The following KAT6A variants were observed in gnomAD, a reference collection of about 807,000 sequenced individuals.
KAT6A encodes lysine acetyltransferase 6A.
In KAT6A, 9 loss-of-function variants were observed where a neutral mutation model predicts 198.4. The ratio of observed to expected loss-of-function variants is 0.05; its 90% CI spans 0.03 to 0.08. The LOEUF is 0.08. KAT6A is among the 10% of genes least tolerant of loss of function. KAT6A has a pLI of 1.00. For missense variants in KAT6A, 2,077 were observed against 2,509.9 expected (o/e 0.83, Z 3.69); for synonymous variants, 890 against 883.0 (o/e 1.01, Z -0.14).
chr8:41,989,576 TAAAATAA>T (rs972082417), intron 2 of KAT6A, among the ~76,000 whole-genome samples: 11 of 147,918 alleles, frequency 7.4e-5, no homozygotes, highest in East Asian at 2.0e-4. Flanking sequence ...ATAACATAAC[TAAAATAA>T]AAAATAAAAA....
intron 14 of KAT6A, chr8:41,942,122 T>C (rs1480182140): frequency 5.0e-6 from 1 of 201,096 alleles, no homozygotes; most frequent in African/African-American, 2.3e-5. Flanking sequence ...AAAAGAGCTA[T>C]AAAAGTATGC....
intron 8 of KAT6A, among the ~76,000 whole-genome samples, chr8:41,967,650 T>C (rs1184821942): frequency 6.6e-6 from 1 of 152,154 alleles, no homozygotes; most frequent in Non-Finnish European, 1.5e-5. Context: ...GGCTACATAG[T>C]ATTCCATGGT....
intron 2 of KAT6A, among the ~76,000 whole-genome samples, chr8:42,016,828 TAACA>T (rs1042275989): frequency 7.2e-5 from 11 of 152,098 alleles, no homozygotes; most frequent in Non-Finnish European, 1.3e-4. Context: ...ACTAAAAACT[TAACA>T]AACACAGTTT....
At chr8:41,936,810 G>T (rs1345248698) in intron 16 of KAT6A, among the ~76,000 whole-genome samples, 1 of 152,202 alleles carries the variant, frequency 6.6e-6, no homozygotes, top group Non-Finnish European at 1.5e-5. Flanking sequence ...CTGGAGAATT[G>T]TCTTCTTAGC....
At chr8:41,984,707 A>G (rs1418103513) in intron 3 of KAT6A, among the ~76,000 whole-genome samples, 4 of 152,226 alleles carry the variant, frequency 2.6e-5, no homozygotes, top group African/African-American at 9.6e-5. Context: ...GGCTGGGCAC[A>G]GTGGTTCACG....
At chr8:42,034,571 T>C (rs572313546) in intron 2 of KAT6A, among the ~76,000 whole-genome samples, 34 of 152,366 alleles carry the variant, frequency 2.2e-4, no homozygotes, top group African/African-American at 4.6e-4. Context: ...GGAGCACTTA[T>C]GTGCTAAACA....
chr8:41,983,075 C>T (rs758156696), intron 3 of KAT6A, among the ~76,000 whole-genome samples: 2 of 152,142 alleles, frequency 1.3e-5, no homozygotes, highest in African/African-American at 2.4e-5. Context: ...TTCTACTGTG[C>T]TCAGAATGAA....
At chr8:41,950,633 AT>A (rs1004657126) in intron 9 of KAT6A, among the ~76,000 whole-genome samples, 1 of 151,886 alleles carries the variant, frequency 6.6e-6, no homozygotes, top group African/African-American at 2.4e-5. Flanking sequence ...AACCTAAAAA[AT>A]TTTGTGCTTT....
At chr8:41,988,885 A>G (rs1362196045) in intron 2 of KAT6A, among the ~76,000 whole-genome samples, 3 of 152,146 alleles carry the variant, frequency 2.0e-5, no homozygotes, top group Admixed American at 6.5e-5. Flanking sequence ...CAGGATGGCA[A>G]TGGAAAACCC....
chr8:41,966,713 T>C (rs1823509931), intron 8 of KAT6A, among the ~76,000 whole-genome samples: 1 of 152,128 alleles, frequency 6.6e-6, no homozygotes, highest in Admixed American at 6.5e-5. Context: ...TGCACTATGT[T>C]TCATTGGTAC....
chr8:42,020,185 T>C (rs1826463692), intron 2 of KAT6A, among the ~76,000 whole-genome samples: 1 of 152,240 alleles, frequency 6.6e-6, no homozygotes, highest in Non-Finnish European at 1.5e-5. Flanking sequence ...AAATAAAGTC[T>C]TTCTGGAACA....
chr8:42,016,838 A>C (rs1296916443), intron 2 of KAT6A, among the ~76,000 whole-genome samples: 1 of 152,094 alleles, frequency 6.6e-6, no homozygotes, highest in Non-Finnish European at 1.5e-5. Context: ...TAACAAACAC[A>C]GTTTTTCAAA....
At chr8:41,935,326 T>G (rs1353396694) in intron 16 of KAT6A, among the ~76,000 whole-genome samples, 1 of 152,186 alleles carries the variant, frequency 6.6e-6, no homozygotes, top group East Asian at 1.9e-4. Flanking sequence ...CTCTCGGATT[T>G]TCTTACTTTC....
At chr8:41,972,693 C>T (rs1348532057) in intron 8 of KAT6A, among the ~76,000 whole-genome samples, 1 of 152,204 alleles carries the variant, frequency 6.6e-6, no homozygotes, top group Non-Finnish European at 1.5e-5. Flanking sequence ...GACGTGACAA[C>T]TAAATTAGAT....
Position 41,934,227 on chromosome 8 carries a change from C to G in KAT6A, c.3993G>C (p.Glu1331Asp), listed in dbSNP as rs1269142636. The G allele has an allele frequency of 6.2e-7, 1 of 1,614,044 alleles. No homozygotes were observed. Among genetic ancestry groups the G allele is most frequent in the African/African-American group, 1.3e-5 (1 of 74,908 alleles). ...DGHLESTKKK[E>D]LEEQPTREDV... ...CTTCCCTCGTGGGCTGTTCCTCTAGCTCCTTTTTCTTTGTGGACTCCAGGT... is the reference window on the plus strand; with the variant it reads ...CTTCCCTCGTGGGCTGTTCCTCTAGGTCCTTTTTCTTTGTGGACTCCAGGT... The change falls in exon 17 of 17, where the codon GAG (glutamate) becomes GAC (aspartate). Residue 1331 changes from glutamate to aspartate, a missense_variant. Physicochemically the swap from Glu to Asp is conservative, Grantham distance 45 (BLOSUM62 2). This residue lies in a region of KAT6A where 375 missense variants were observed against 383.0 expected (regional missense o/e 0.98). Transcript: ENST00000265713.
intron 2 of KAT6A, among the ~76,000 whole-genome samples, chr8:42,028,487 C>A (rs1042020726): frequency 2.6e-5 from 4 of 152,074 alleles, no homozygotes; most frequent in Non-Finnish European, 5.9e-5. Flanking sequence ...TATGTAATGA[C>A]CCATGTTATC....
chr8:41,975,310 A>G (rs377231751), intron 7 of KAT6A, among the ~76,000 whole-genome samples: 12 of 152,052 alleles, frequency 7.9e-5, no homozygotes, highest in African/African-American at 2.2e-4. Context: ...CACAAACTCT[A>G]TTTACCCAGA....
intron 2 of KAT6A, among the ~76,000 whole-genome samples, chr8:41,992,330 C>T (rs144512536): frequency 1.6e-4 from 24 of 152,186 alleles, no homozygotes; most frequent in African/African-American, 5.8e-4. Flanking sequence ...CTGCCATGAA[C>T]GGACAGAGAG....
intron 3 of KAT6A, among the ~76,000 whole-genome samples, chr8:41,983,526 A>G (rs1051585215): frequency 1.3e-5 from 2 of 152,352 alleles, no homozygotes; most frequent in Non-Finnish European, 2.9e-5. Flanking sequence ...CCACTGACTG[A>G]TATACTATAA....
Sources: gnomAD v4.1 joint callset for allele counts (sites outside exome capture counted in the v4.1 genomes callset) on GRCh38, gnomAD v4.1.1 for gene constraint, gnomAD v4.1.1 regional missense constraint, MANE v1.5 for transcripts, NCBI Gene and HGNC (gene_info 2026-07-23, HGNC 2026-07-21) for gene names.